The following SORCS1 variants were observed in gnomAD, a reference collection of about 807,000 sequenced individuals.
SORCS1 encodes the protein sortilin related VPS10 domain containing receptor 1.
Under a neutral mutation model 146.1 loss-of-function variants are expected in SORCS1, and 60 were observed. The ratio of observed to expected loss-of-function variants is 0.41; its 90% confidence interval spans 0.33 to 0.51. The LOEUF (loss-of-function observed/expected upper bound fraction) is 0.51, where lower values mean the gene tolerates loss of function less well. Among genes scored for constraint, SORCS1 ranks in the 20% least tolerant of loss-of-function variants. The pLI is 0.21. For missense variants in SORCS1, 1,352 were observed against 1,487.6 expected (o/e 0.91, Z 1.50); for synonymous variants, 637 against 584.0 (o/e 1.09, Z -1.31).
intron 24 of SORCS1, among the ~76,000 whole-genome samples, chr10:106,580,153 G>A (rs922677162): frequency 2.0e-5 from 3 of 152,122 alleles, no homozygotes; most frequent in Admixed American, 2.0e-4. Context: ...GAGCATGCTT[G>A]TATTTTTGTA....
chr10:106,889,839 C>G (rs1280653556), intron 2 of SORCS1, among the ~76,000 whole-genome samples: 3 of 146,320 alleles, frequency 2.1e-5, no homozygotes, highest in Admixed American at 1.4e-4. Context: ...GAGCCGAGAT[C>G]GCGCCACTGT....
At chr10:107,096,396 A>C (rs2134346648) in intron 1 of SORCS1, among the ~76,000 whole-genome samples, 1 of 152,376 alleles carries the variant, frequency 6.6e-6, no homozygotes, top group East Asian at 1.9e-4. Flanking sequence ...TGAAAAGGTT[A>C]AGTAGTTACC....
At chr10:107,109,512 G>A (rs1270915721) in intron 1 of SORCS1, among the ~76,000 whole-genome samples, 2 of 152,220 alleles carry the variant, frequency 1.3e-5, no homozygotes, top group South Asian at 2.1e-4. Context: ...GATGTGGGGA[G>A]CAGCATCCCA....
intron 23 of SORCS1, among the ~76,000 whole-genome samples, chr10:106,599,521 G>A (rs911418980): frequency 1.3e-5 from 2 of 152,106 alleles, no homozygotes; most frequent in African/African-American, 2.4e-5. Context: ...ATCAGACAGT[G>A]GAGTTTTTAG....
At chr10:106,981,715 T>C (rs1956252732) in intron 1 of SORCS1, among the ~76,000 whole-genome samples, 1 of 152,182 alleles carries the variant, frequency 6.6e-6, no homozygotes, top group African/African-American at 2.4e-5. Context: ...AAAATGGCCG[T>C]GCTCAGGAAA....
At chr10:106,786,129 T>C (rs1054189513) in intron 3 of SORCS1, among the ~76,000 whole-genome samples, 7 of 152,228 alleles carry the variant, frequency 4.6e-5, no homozygotes, top group African/African-American at 1.4e-4. Context: ...GCATTAGAAC[T>C]GACATAGTAT....
chr10:106,935,639 G>C (rs1380969224), intron 2 of SORCS1, among the ~76,000 whole-genome samples: 3 of 152,196 alleles, frequency 2.0e-5, no homozygotes, highest in Non-Finnish European at 4.4e-5. Context: ...TTAGAGCTAG[G>C]TTGAAAATCA....
intron 20 of SORCS1, among the ~76,000 whole-genome samples, chr10:106,618,592 G>A (rs1339715910): frequency 2.0e-5 from 3 of 152,162 alleles, no homozygotes; most frequent in African/African-American, 7.2e-5. Flanking sequence ...CTCATATCAA[G>A]CAGATCCCTA....
chr10:106,645,203 T>G (rs951887995), intron 18 of SORCS1, among the ~76,000 whole-genome samples: 3 of 149,638 alleles, frequency 2.0e-5, no homozygotes, highest in Non-Finnish European at 3.0e-5. Flanking sequence ...GAGTCTCACT[T>G]TGTCAACCAG....
intron 3 of SORCS1, among the ~76,000 whole-genome samples, chr10:106,807,435 C>T (rs1315468690): frequency 6.6e-6 from 1 of 152,170 alleles, no homozygotes; most frequent in African/African-American, 2.4e-5. Context: ...TCTAAGAACC[C>T]CAAGTCCCTA....
At chr10:107,131,268 T>A (rs1220488264) in intron 1 of SORCS1, among the ~76,000 whole-genome samples, 1 of 152,182 alleles carries the variant, frequency 6.6e-6, no homozygotes, top group African/African-American at 2.4e-5. Context: ...ATCTTTCACA[T>A]CACATTTCTG....
intron 19 of SORCS1, among the ~76,000 whole-genome samples, chr10:106,627,150 C>T (rs1053940462): frequency 3.3e-5 from 5 of 151,918 alleles, no homozygotes; most frequent in African/African-American, 1.2e-4. Flanking sequence ...AGGAGTTTTG[C>T]AGGGGAGCAG....
chr10:107,058,715 C>T (rs1960885191), intron 1 of SORCS1, among the ~76,000 whole-genome samples: 1 of 152,182 alleles, frequency 6.6e-6, no homozygotes, highest in Non-Finnish European at 1.5e-5. Flanking sequence ...GAATATAGAA[C>T]TGTGCCTGTC....
intron 10 of SORCS1, among the ~76,000 whole-genome samples, chr10:106,679,984 T>G (rs1453583355): frequency 6.6e-6 from 1 of 152,208 alleles, no homozygotes. Context: ...TAATTTGGTC[T>G]TTGTCATTAC....
chr10:106,928,038 C>T (rs562700545), intron 2 of SORCS1, among the ~76,000 whole-genome samples: 1 of 152,376 alleles, frequency 6.6e-6, no homozygotes, highest in African/African-American at 2.4e-5. Context: ...GCCCAGCTGG[C>T]TTCACCCAGT....
intron 1 of SORCS1, among the ~76,000 whole-genome samples, chr10:107,090,965 GA>G (rs1964143046): frequency 6.6e-6 from 1 of 151,986 alleles, no homozygotes; most frequent in South Asian, 2.1e-4. Context: ...ATTGGTGAGT[GA>G]AATGAAAGAA....
At chr10:107,144,136 T>A (rs1163214872) in intron 1 of SORCS1, among the ~76,000 whole-genome samples, 1 of 152,192 alleles carries the variant, frequency 6.6e-6, no homozygotes, top group Non-Finnish European at 1.5e-5. Context: ...ATCCTATTTA[T>A]CTTTTATATT....
At chr10:107,017,945 C>T (rs903624655) in intron 1 of SORCS1, among the ~76,000 whole-genome samples, 1 of 151,474 alleles carries the variant, frequency 6.6e-6, no homozygotes, top group African/African-American at 2.4e-5. Flanking sequence ...GGATTACATG[C>T]ATGAACCACC....
intron 1 of SORCS1, among the ~76,000 whole-genome samples, chr10:107,080,238 G>A (rs1963223615): frequency 6.6e-6 from 1 of 152,134 alleles, no homozygotes; most frequent in Non-Finnish European, 1.5e-5. Flanking sequence ...AAGCCATAAT[G>A]TTGTTTTGCA....
Sources: gnomAD v4.1 joint callset for allele counts (sites outside exome capture counted in the v4.1 genomes callset) on GRCh38, gnomAD v4.1.1 for gene constraint, MANE v1.5 for transcripts, NCBI Gene and HGNC (gene_info 2026-07-23, HGNC 2026-07-21) for gene names.